The following SLC25A48 variants were observed in gnomAD, a reference collection of about 807,000 sequenced individuals.
SLC25A48 encodes the protein solute carrier family 25 member 48.
A neutral mutation model predicts 32.2 loss-of-function variants in SLC25A48; 29 were observed. That is an observed-to-expected ratio of 0.90 (90% CI 0.67 to 1.23). SLC25A48 has a LOEUF of 1.23. SLC25A48 is among the 50% of genes most tolerant of loss of function. SLC25A48 has a pLI of 0.00. For synonymous variants in SLC25A48, 164 were observed against 172.3 expected, an observed-to-expected ratio of 0.95 and a Z score of 0.38; for missense variants, 399 against 422.7, an observed-to-expected ratio of 0.94 and a Z score of 0.49.
chr5:135,697,296 A>G (rs62364589), intron 3 of SLC25A48, among the ~76,000 whole-genome samples: 1 of 39,490 alleles, frequency 2.5e-5, no homozygotes, highest in African/African-American at 5.4e-5. Context: ...GAGAGGCAAC[A>G]CAGAGGCTGC....
intron 1 of SLC25A48, among the ~76,000 whole-genome samples, chr5:135,595,853 C>T (rs1331781972): frequency 6.6e-6 from 1 of 152,210 alleles, no homozygotes; most frequent in African/African-American, 2.4e-5. Flanking sequence ...TTCACTCATT[C>T]AACCCAGGTT....
chr5:135,776,749 G>T (rs905091771), intron 3 of SLC25A48, among the ~76,000 whole-genome samples: 45 of 151,586 alleles, frequency 3.0e-4, no homozygotes, highest in African/African-American at 1.0e-3. Context: ...GAAAGAAAAT[G>T]ATATTACTCC....
chr5:135,639,091 G>A (rs980585112), intron 3 of SLC25A48, among the ~76,000 whole-genome samples: 3 of 152,292 alleles, frequency 2.0e-5, no homozygotes, highest in South Asian at 2.1e-4. Flanking sequence ...GCTAAAATAC[G>A]AAAAATATGC....
chr5:135,623,652 G>A (rs887411379), intron 1 of SLC25A48, among the ~76,000 whole-genome samples: 47 of 152,148 alleles, frequency 3.1e-4, no homozygotes, highest in African/African-American at 1.0e-3. Flanking sequence ...TACCTTAAAG[G>A]GCCATGTGAG....
intron 3 of SLC25A48, among the ~76,000 whole-genome samples, chr5:135,741,734 C>T (rs751420726): frequency 1.4e-4 from 22 of 152,128 alleles, no homozygotes; most frequent in Non-Finnish European, 2.5e-4. Flanking sequence ...GAGTGAGATC[C>T]TCTCTCAAAC....
intron 3 of SLC25A48, among the ~76,000 whole-genome samples, chr5:135,789,892 A>G (rs978503137): frequency 2.6e-5 from 4 of 152,060 alleles, no homozygotes; most frequent in Non-Finnish European, 2.9e-5. Flanking sequence ...CTCTTGAGAC[A>G]TTAGGAGTAA....
intron 3 of SLC25A48, among the ~76,000 whole-genome samples, chr5:135,786,068 C>T (rs539433190): frequency 4.0e-5 from 6 of 151,546 alleles, no homozygotes; most frequent in Admixed American, 1.3e-4. Flanking sequence ...CCTTCTTTGC[C>T]CCATGGATTC....
chr5:135,880,316 G>A (rs1762373562), intron 7 of SLC25A48, among the ~76,000 whole-genome samples: 1 of 152,068 alleles, frequency 6.6e-6, no homozygotes, highest in Admixed American at 6.5e-5. Flanking sequence ...GACCAAGTCT[G>A]GCACAGAATA....
At chr5:135,647,590 C>G (rs889546590) in intron 3 of SLC25A48, among the ~76,000 whole-genome samples, 2 of 152,170 alleles carry the variant, frequency 1.3e-5, no homozygotes, top group Non-Finnish European at 2.9e-5. Context: ...ACCCTCAGCC[C>G]CCAGCCTCCT....
In SLC25A48 at chr5:135,768,448, G is replaced by T. The variant is rs1284957144; in HGVS notation, c.-520-44075G>T. ...CGTAAAATTAAGTAGGTGAGAGAAG[G>T]ATATTACTTCTAATATCCCAGGGAG... On this transcript the variant is annotated intron_variant, in intron 3 of 10. Coordinates refer to the SLC25A48 transcript ENST00000646290. 2.6e-5 allele frequency among the ~76,000 whole-genome samples: 4 copies of T among 151,184 alleles called. No homozygotes were observed. The South Asian group carries it at 6.3e-4, about 24-fold the overall frequency.
Position 135,871,483 on chromosome 5 carries a change from G to C in SLC25A48, c.444G>C (p.Arg148Ser). 6.2e-7 allele frequency: 1 copy of C among 1,600,256 alleles called. No individual in the cohort carries two copies. Among genetic ancestry groups the C allele is most frequent in the Non-Finnish European group, 8.5e-7 (1 of 1,170,508 alleles). ...CAGCCAACCTCGGTTTGAAGTCCAG[G>C]GCAGTGGCTCCTGCGGAGCAGCCAG... ...FRDANLGLKSRAVAPAEQPAY... is the reference protein window; with the variant it reads ...FRDANLGLKSSAVAPAEQPAY... Residue 148 changes from arginine (R) to serine (S), a missense_variant, in exon 5 of 8, where the codon AGG (arginine) becomes AGC (serine). Arg to Ser is a moderately radical substitution (Grantham distance 110). Coordinates refer to ENST00000681962, the MANE Select transcript of SLC25A48 (RefSeq NM_001349336.2).
intron 3 of SLC25A48, among the ~76,000 whole-genome samples, chr5:135,777,631 T>A (rs1756600852): frequency 6.6e-6 from 1 of 151,052 alleles, no homozygotes; most frequent in African/African-American, 2.4e-5. Context: ...TTGTTCCTAA[T>A]ATCGAGGAGG....
chr5:135,788,314 C>T (rs1172011036), intron 3 of SLC25A48, among the ~76,000 whole-genome samples: 2 of 146,656 alleles, frequency 1.4e-5, no homozygotes, highest in Non-Finnish European at 1.5e-5. Flanking sequence ...CCGTAATATC[C>T]GGGGGGAGAG....
chr5:135,641,439 G>A (rs1315184578), intron 3 of SLC25A48, among the ~76,000 whole-genome samples: 2 of 152,172 alleles, frequency 1.3e-5, no homozygotes, highest in Admixed American at 1.3e-4. Flanking sequence ...AGAGGGACTT[G>A]TGGGGCTTGT....
chr5:135,884,973 G>A (rs1038547232), intron 7 of SLC25A48, among the ~76,000 whole-genome samples: 2 of 152,076 alleles, frequency 1.3e-5, no homozygotes, highest in African/African-American at 4.8e-5. Context: ...ACAGATGAAG[G>A]AACTGAGGCT....
intron 3 of SLC25A48, chr5:135,648,644 T>A (rs1753028921): frequency 6.6e-6 from 1 of 152,224 alleles, no homozygotes; most frequent in African/African-American, 2.4e-5. Flanking sequence ...CTACCAGCTC[T>A]GAGGGTTTAT....
In SLC25A48 at chr5:135,673,679, A is replaced by G. The variant is rs181061100; in HGVS notation, c.-521+38723A>G. On this transcript the variant is annotated intron_variant, in intron 3 of 10. Transcript: ENST00000646290. The stretch of plus-strand genomic sequence containing the variant: ...CTGTGGCATGCCTTTATATTTCCAC[A>G]GGTGTCTTTTAATGAACAAATATTT... 3.6e-3 allele frequency among the ~76,000 whole-genome samples: 550 copies of G among 152,184 alleles called. 3 individuals are homozygous for G. Among genetic ancestry groups the G allele is most frequent in the African/African-American group, 0.012 (504 of 41,558 alleles).
At chr5:135,658,586 G>T (rs2126932481) in intron 3 of SLC25A48, among the ~76,000 whole-genome samples, 1 of 152,284 alleles carries the variant, frequency 6.6e-6, no homozygotes, top group African/African-American at 2.4e-5. Context: ...GCCCTAGTGG[G>T]GACTGTCTGT....
At chr5:135,790,706 G>T (rs542483198) in intron 3 of SLC25A48, among the ~76,000 whole-genome samples, 1 of 151,758 alleles carries the variant, frequency 6.6e-6, no homozygotes, top group African/African-American at 2.4e-5. Flanking sequence ...GTCACAGTGG[G>T]TGTACACTAT....
Sources: allele counts gnomAD v4.1 joint callset (sites outside exome capture counted in the v4.1 genomes callset), GRCh38; gene constraint gnomAD v4.1.1; transcripts MANE v1.5; gene names NCBI Gene and HGNC (gene_info 2026-07-23, HGNC 2026-07-21).